Variants in LRRC8D observed in about 807,000 individuals in gnomAD.
The protein encoded by LRRC8D is leucine rich repeat containing 8 VRAC subunit D, also known as volume-regulated anion channel subunit LRRC8D.
In LRRC8D, 20 loss-of-function variants were observed where a neutral mutation model predicts 55.8. The observed-to-expected ratio is 0.36, with a 90% CI of 0.25 to 0.52. The LOEUF (loss-of-function observed/expected upper bound fraction) is 0.52, where lower values mean the gene tolerates loss of function less well. Ranked by LOEUF, LRRC8D falls within the 20% of genes least tolerant of loss-of-function variation. The pLI, the probability that LRRC8D is intolerant of heterozygous loss-of-function variation, is 0.93. For synonymous variants in LRRC8D, 352 were observed against 377.0 expected (o/e 0.93, Z 0.77); for missense variants, 651 against 1,030.8 (o/e 0.63, Z 5.05).
chr1:89,830,047 T>C (rs1476209406), intron 1 of LRRC8D, among the ~76,000 whole-genome samples: 1 of 152,198 alleles, frequency 6.6e-6, no homozygotes, highest in African/African-American at 2.4e-5. Flanking sequence ...ATGCCATAAA[T>C]ATATTCAATA....
chr1:89,841,400 C>A (rs1557444779), intron 1 of LRRC8D, among the ~76,000 whole-genome samples: 1 of 151,018 alleles, frequency 6.6e-6, no homozygotes, highest in African/African-American at 2.4e-5. Context: ...AAGACCACCC[C>A]CCCCCTTTTT....
intron 2 of LRRC8D, among the ~76,000 whole-genome samples, chr1:89,875,301 T>G (rs1483572830): frequency 1.3e-5 from 2 of 152,202 alleles, no homozygotes; most frequent in Non-Finnish European, 2.9e-5. Context: ...AACTATCTGG[T>G]CTTTACAAAA....
chr1:89,841,811 T>C (rs1219166553), intron 1 of LRRC8D, among the ~76,000 whole-genome samples: 2 of 151,992 alleles, frequency 1.3e-5, no homozygotes, highest in African/African-American at 4.8e-5. Context: ...ATTCAGGTGG[T>C]TAAAGAAACT....
rs146779702 is a variant in LRRC8D, at chr1:89,933,435, C to A, written c.367C>A (p.Pro123Thr). 1 of 1,614,090 alleles carries A rather than the reference C, an allele frequency of 6.2e-7. No individual in the cohort carries two copies. Residue 123 changes from proline to threonine, a missense_variant, in exon 3 of 3, where the codon CCA (proline) becomes ACA (threonine). Around this residue, in one of 5 missense-constraint regions of LRRC8D, gnomAD observed 118 missense variants for 138.0 expected, o/e 0.85. Coordinates refer to ENST00000337338, the MANE Select transcript of LRRC8D (RefSeq NM_001134479.2). The surrounding 1 kb of genome is among the most constrained non-coding windows in gnomAD (Gnocchi z 7.0). ...ATYPRTDFAL[P>T]NQEAKKEKKD... is the part of the protein sequence containing the mutation. ...ATATCCTCGCACAGATTTCGCACTT[C>A]CAAATCAGGAGGCAAAGAAAGAGAA... is the stretch of plus-strand genomic sequence containing the variant.
At chr1:89,882,296 C>A (rs1570853318) in intron 2 of LRRC8D, among the ~76,000 whole-genome samples, 1 of 152,226 alleles carries the variant, frequency 6.6e-6, no homozygotes, top group African/African-American at 2.4e-5. Context: ...TCCCTGCTGT[C>A]ATGGTAATTT....
At chr1:89,904,674 A>C (rs1411434246) in intron 2 of LRRC8D, among the ~76,000 whole-genome samples, 2 of 152,152 alleles carry the variant, frequency 1.3e-5, no homozygotes, top group Non-Finnish European at 2.9e-5. Context: ...GGATGTAAAC[A>C]CCTTAGCATC....
At position 89,832,801 on chromosome 1, in the gene LRRC8D, A is replaced by G. The variant is rs570791236; in HGVS notation, c.-147-10837A>G. The stretch of plus-strand genomic sequence containing the variant: ...ACAAGAAGTCTTCTTTAACCTTCTT[A>G]TAAAATACACTTAAAAAAGAATCCA... On this transcript the variant is annotated intron_variant, in intron 1 of 2. Coordinates refer to ENST00000337338, the MANE Select transcript of LRRC8D (RefSeq NM_001134479.2). Among the ~76,000 whole-genome samples the G allele has an allele frequency of 2.6e-5, 4 of 152,382 alleles. No homozygotes were observed. In the East Asian group the frequency reaches 5.8e-4, roughly 22 times the overall value.
intron 1 of LRRC8D, among the ~76,000 whole-genome samples, chr1:89,822,916 T>C (rs1660675625): frequency 6.6e-6 from 1 of 152,104 alleles, no homozygotes; most frequent in African/African-American, 2.4e-5. Flanking sequence ...AAGTGCAAGA[T>C]GGGGAGGAAT....
Position 89,933,437 on chromosome 1 carries a change from A to T in LRRC8D, c.369A>T (p.Pro123=). The T allele has an allele frequency of 1.2e-6, 2 of 1,614,176 alleles. No individual in the cohort carries two copies. Among genetic ancestry groups the T allele is most frequent in the Non-Finnish European group, 1.7e-6 (2 of 1,180,034 alleles). ...ATCCTCGCACAGATTTCGCACTTCC[A>T]AATCAGGAGGCAAAGAAAGAGAAGA... ...ATYPRTDFAL[P]NQEAKKEKKD... is the part of the protein sequence containing the mutation. The change falls in exon 3 of 3, where the codon CCA becomes CCT. Residue 123 remains proline (P), a synonymous_variant. Coordinates refer to ENST00000337338, the MANE Select transcript of LRRC8D (RefSeq NM_001134479.2). The surrounding 1 kb of genome is among the most constrained non-coding windows in gnomAD (Gnocchi z 7.0).
At chr1:89,898,729 G>T (rs1280604046) in intron 2 of LRRC8D, among the ~76,000 whole-genome samples, 1 of 152,206 alleles carries the variant, frequency 6.6e-6, no homozygotes, top group Non-Finnish European at 1.5e-5. Context: ...GCTTTACTAA[G>T]ATTTAATTTA....
chr1:89,884,913 G>A lies in LRRC8D; in HGVS notation c.-3+41131G>A, dbSNP rs1040170393. 3.3e-5 allele frequency among the ~76,000 whole-genome samples: 5 copies of A among 152,150 alleles called. No homozygotes were observed. The East Asian group carries it at 5.8e-4, about 18-fold the overall frequency. On this transcript the variant is annotated intron_variant, in intron 2 of 2. Coordinates refer to ENST00000337338, the MANE Select transcript of LRRC8D (RefSeq NM_001134479.2). ...TACATTTCTCCTTTTAAGATGCTGT[G>A]TTTGCACTTTCTACCTCAGTCCCAC...
intron 2 of LRRC8D, among the ~76,000 whole-genome samples, chr1:89,878,123 T>C (rs1239029491): frequency 6.6e-6 from 1 of 152,248 alleles, no homozygotes; most frequent in Non-Finnish European, 1.5e-5. Context: ...TCATCTTCAG[T>C]ATTTTTTACT....
At chr1:89,869,481 G>C (rs1347934956) in intron 2 of LRRC8D, among the ~76,000 whole-genome samples, 1 of 152,186 alleles carries the variant, frequency 6.6e-6, no homozygotes, top group East Asian at 1.9e-4. Context: ...ATCTATGTTT[G>C]ATTGGTGTAC....
At chr1:89,880,322 G>C (rs1030818860) in intron 2 of LRRC8D, among the ~76,000 whole-genome samples, 2 of 151,632 alleles carry the variant, frequency 1.3e-5, no homozygotes, top group African/African-American at 4.9e-5. Flanking sequence ...AGGATCATCT[G>C]AGGCAAAGTG....
chr1:89,849,712 T>C (rs1283180541), intron 2 of LRRC8D, among the ~76,000 whole-genome samples: 1 of 152,234 alleles, frequency 6.6e-6, no homozygotes, highest in African/African-American at 2.4e-5. Flanking sequence ...CTGTTGGGTC[T>C]CTTGCCTTTT....
At chr1:89,846,540 A>G (rs1661285488) in intron 2 of LRRC8D, 1 of 152,192 alleles carries the variant, frequency 6.6e-6, no homozygotes, top group Admixed American at 6.5e-5. Flanking sequence ...TGCCTAAGGA[A>G]GAGGTGGCAG....
chr1:89,904,867 G>A (rs1284480826), intron 2 of LRRC8D, among the ~76,000 whole-genome samples: 2 of 152,102 alleles, frequency 1.3e-5, no homozygotes, highest in Non-Finnish European at 2.9e-5. Context: ...TTGAATGGTT[G>A]TGAGGATGAA....
At chr1:89,904,792 T>G (rs746526746) in intron 2 of LRRC8D, among the ~76,000 whole-genome samples, 1 of 152,252 alleles carries the variant, frequency 6.6e-6, no homozygotes, top group Middle Eastern at 3.4e-3. Flanking sequence ...AATCTTGGAG[T>G]TGAACTTTTT....
At chr1:89,889,492 ATAT>A (rs1662506902) in intron 2 of LRRC8D, among the ~76,000 whole-genome samples, 1 of 151,886 alleles carries the variant, frequency 6.6e-6, no homozygotes, top group Admixed American at 6.6e-5. Flanking sequence ...CTAATGTATG[ATAT>A]TATTAATGGG....
Sources: gnomAD v4.1 joint callset for allele counts (sites outside exome capture counted in the v4.1 genomes callset) on GRCh38, gnomAD v4.1.1 for gene constraint, gnomAD v4.1.1 regional missense constraint, Gnocchi (gnomAD v3.1) non-coding constraint, MANE v1.5 for transcripts, NCBI Gene and HGNC (gene_info 2026-07-23, HGNC 2026-07-21) for gene names.